CNTLN: variants seen among roughly 807,000 people sequenced by gnomAD.
CNTLN encodes centlein.
Under a neutral mutation model 180.0 loss-of-function variants are expected in CNTLN, and 212 were observed. That is an observed-to-expected ratio of 1.18 (90% CI 1.05 to 1.32). CNTLN has a LOEUF of 1.32. CNTLN is among the 40% of genes most tolerant of loss of function. The probability of loss-of-function intolerance (pLI) is 0.00; values close to 1 mark genes in which losing one functional copy is unlikely to be tolerated. For missense variants in CNTLN, 2,095 were observed against 1,610.9 expected, an observed-to-expected ratio of 1.30 and a Z score of -5.14; for synonymous variants, 722 against 563.1, an observed-to-expected ratio of 1.28 and a Z score of -3.99.
intron 12 of CNTLN, among the ~76,000 whole-genome samples, chr9:17,357,323 C>G (rs1165856799): frequency 6.6e-6 from 1 of 151,614 alleles, no homozygotes; most frequent in Non-Finnish European, 1.5e-5. Flanking sequence ...TTGTATTTTG[C>G]TATAAAGTCA....
chr9:17,397,497 G>C (rs953485918), intron 15 of CNTLN, among the ~76,000 whole-genome samples: 1 of 152,146 alleles, frequency 6.6e-6, no homozygotes, highest in African/African-American at 2.4e-5. Context: ...GAATAGCAGC[G>C]AGGATGACCA....
intron 2 of CNTLN, among the ~76,000 whole-genome samples, chr9:17,185,809 G>C (rs907117305): frequency 6.6e-6 from 1 of 151,416 alleles, no homozygotes; most frequent in Non-Finnish European, 1.5e-5. Context: ...GTGTATCTGT[G>C]TGTGTCAGGG....
At chr9:17,407,681 T>A (rs943537463) in intron 15 of CNTLN, among the ~76,000 whole-genome samples, 1 of 152,172 alleles carries the variant, frequency 6.6e-6, no homozygotes, top group Non-Finnish European at 1.5e-5. Context: ...CTTACTTGAG[T>A]CTATAGTATG....
intron 3 of CNTLN, among the ~76,000 whole-genome samples, chr9:17,227,874 C>A (rs1343658733): frequency 6.6e-6 from 1 of 151,986 alleles, no homozygotes; most frequent in African/African-American, 2.4e-5. Context: ...ACCCAAGTAT[C>A]AAACAACATT....
chr9:17,275,780 T>A (rs1828271490), intron 6 of CNTLN, among the ~76,000 whole-genome samples: 1 of 152,156 alleles, frequency 6.6e-6, no homozygotes, highest in Non-Finnish European at 1.5e-5. Context: ...CTTTTTCTTA[T>A]ACAATAGTAA....
At position 17,155,669 on chromosome 9, in the gene CNTLN, T is replaced by C. The variant is rs1038907793; in HGVS notation, c.449+12293T>C. Among the ~76,000 whole-genome samples the C allele has an allele frequency of 2.0e-5, 3 of 152,132 alleles. No homozygotes were observed. In the South Asian group the frequency reaches 6.2e-4, roughly 32 times the overall value. Reference sequence around the variant, plus strand: ...ATTGCTGCTGTGCTGGCAGCCAGAATTTAAAGCCAGTAGATCTTGGTTTCT... The same window carrying C: ...ATTGCTGCTGTGCTGGCAGCCAGAACTTAAAGCCAGTAGATCTTGGTTTCT... On this transcript the variant is annotated intron_variant, in intron 2 of 25. Transcript: ENST00000380647.
intron 18 of CNTLN, among the ~76,000 whole-genome samples, chr9:17,422,100 T>G (rs553108035): frequency 1.1e-4 from 17 of 152,284 alleles, no homozygotes; most frequent in Non-Finnish European, 1.5e-5. Flanking sequence ...ATTCTCAGCT[T>G]TTGTTTGTGT....
At chr9:17,244,315 A>T (rs1825677404) in intron 5 of CNTLN, among the ~76,000 whole-genome samples, 1 of 151,818 alleles carries the variant, frequency 6.6e-6, no homozygotes, top group African/African-American at 2.4e-5. Flanking sequence ...AGGCTCAAGC[A>T]ATCCTCCCAC....
chr9:17,447,197 C>A, intron 18 of CNTLN: 1 of 217,472 alleles, frequency 4.6e-6, no homozygotes. Context: ...TATCCTGTTG[C>A]CTGTCTGCAC....
chr9:17,295,274 C>G (rs1407938600), intron 6 of CNTLN, among the ~76,000 whole-genome samples: 1 of 152,176 alleles, frequency 6.6e-6, no homozygotes, highest in Non-Finnish European at 1.5e-5. Flanking sequence ...GAAGGGGACT[C>G]CCAAGGTGCA....
rs903789337 is a variant in CNTLN, at chr9:17,332,522, A to G, written c.1519-83A>G. ...TTTTATAATTCATTATTAGTATTCA[A>G]AATTACTTGTTCTTTAATTTTGCAT... On this transcript the variant is annotated intron_variant, in intron 9 of 25. Transcript: ENST00000380647. The G allele has an allele frequency of 8.8e-5, 121 of 1,369,392 alleles. 1 individual carries two copies. In the Admixed American group the frequency reaches 2.5e-3, roughly 28 times the overall value. 84.8% of individuals were successfully genotyped at this position (1,369,392 alleles called of 1,614,324 possible). A position where few individuals can be genotyped will look rare whatever the true frequency, so the allele number is the denominator to read the frequency against.
At chr9:17,504,292 C>A (rs1459815451), downstream of CNTLN, among the ~76,000 whole-genome samples, 2 of 152,098 alleles carry the variant, frequency 1.3e-5, no homozygotes, top group Non-Finnish European at 2.9e-5. Flanking sequence ...CCATACTAAG[C>A]ATTCATCACA....
intron 5 of CNTLN, among the ~76,000 whole-genome samples, chr9:17,242,297 T>TCGGGGGC (rs1825540113): frequency 6.8e-6 from 1 of 146,574 alleles, no homozygotes; most frequent in African/African-American, 2.7e-5. Flanking sequence ...ATTGAAATGA[T>TCGGGGGC]CATGTGGTTT....
chr9:17,385,927 A>G (rs1179242939), intron 13 of CNTLN, among the ~76,000 whole-genome samples: 1 of 152,190 alleles, frequency 6.6e-6, no homozygotes, highest in Non-Finnish European at 1.5e-5. Context: ...TATCACAAGT[A>G]CCTTCTGAAG....
chr9:17,474,843 G>A (rs1300487683), intron 23 of CNTLN, among the ~76,000 whole-genome samples: 2 of 151,550 alleles, frequency 1.3e-5, no homozygotes, highest in African/African-American at 4.8e-5. Flanking sequence ...ACTCTAGCCT[G>A]GGTGACAGAG....
At chr9:17,153,950 A>G (rs1819077897) in intron 2 of CNTLN, among the ~76,000 whole-genome samples, 2 of 152,106 alleles carry the variant, frequency 1.3e-5, no homozygotes, top group Admixed American at 6.5e-5. Flanking sequence ...CGATTCGGCT[A>G]TTGATACTTG....
intron 23 of CNTLN, among the ~76,000 whole-genome samples, chr9:17,471,398 G>T (rs1212762852): frequency 2.0e-5 from 3 of 151,986 alleles, no homozygotes; most frequent in Admixed American, 6.6e-5. Context: ...ATTATTGGTG[G>T]CTGGTTACAA....
chr9:17,295,211 C>T (rs937398716), intron 6 of CNTLN, among the ~76,000 whole-genome samples: 11 of 152,186 alleles, frequency 7.2e-5, no homozygotes, highest in African/African-American at 2.4e-4. Flanking sequence ...CACGCCTGTC[C>T]CTCCACACCT....
chr9:17,231,426 T>C (rs926348102), intron 3 of CNTLN, among the ~76,000 whole-genome samples: 6 of 152,078 alleles, frequency 3.9e-5, no homozygotes, highest in African/African-American at 1.4e-4. Flanking sequence ...ATTGCCTTTT[T>C]TTGGGTAAGA....
Sources: allele counts gnomAD v4.1 joint callset (sites outside exome capture counted in the v4.1 genomes callset), GRCh38; gene constraint gnomAD v4.1.1; transcripts MANE v1.5; gene names NCBI Gene and HGNC (gene_info 2026-07-23, HGNC 2026-07-21).